Variants in ZBTB46 observed in about 807,000 individuals in gnomAD.
The protein encoded by ZBTB46 is zinc finger and BTB domain-containing protein 46.
ZBTB46 carries 8 observed loss-of-function variants against 44.1 expected under a neutral mutation model. The observed-to-expected ratio is 0.18, with a 90% CI of 0.11 to 0.33. The LOEUF is 0.33. ZBTB46 is among the 10% of genes least tolerant of loss of function. The probability of loss-of-function intolerance (pLI) is 1.00; values close to 1 mark genes in which losing one functional copy is unlikely to be tolerated. For missense variants in ZBTB46, 651 were observed against 847.7 expected (o/e 0.77, Z 2.88); for synonymous variants, 409 against 382.3 (o/e 1.07, Z -0.81).
At chr20:63,784,142 T>C (rs1234827788) in intron 2 of ZBTB46, among the ~76,000 whole-genome samples, 1 of 152,134 alleles carries the variant, frequency 6.6e-6, no homozygotes, top group Non-Finnish European at 1.5e-5. Flanking sequence ...CACGGCCCCC[T>C]CCGCTCACCA....
At chr20:63,765,014 G>A (rs1190966837) in intron 3 of ZBTB46, among the ~76,000 whole-genome samples, 1 of 151,162 alleles carries the variant, frequency 6.6e-6, no homozygotes, top group East Asian at 1.9e-4. Flanking sequence ...CACCTCCCAG[G>A]TTCAAGTGAT....
chr20:63,782,382 G>C (rs556428901), intron 2 of ZBTB46, among the ~76,000 whole-genome samples: 26 of 152,136 alleles, frequency 1.7e-4, no homozygotes, highest in Non-Finnish European at 3.1e-4. Context: ...GAATGATGTC[G>C]GGCCACGAGC....
rs755836932 is a variant in ZBTB46 at position 63,817,105 on chromosome 20, C to CA, written c.-34+13991dup. Among the ~76,000 whole-genome samples, 594 of 128,234 alleles carry CA rather than the reference C, an allele frequency of 4.6e-3. 2 individuals carry two copies. The highest frequency in any genetic ancestry group is 0.014 in the African/African-American group (459 of 33,546). 84.1% of individuals were successfully genotyped at this position (128,234 alleles called of 152,430 possible). ...GGGCAACAAGAGCGAAACTCAGTCTCAAAAAAAAAAAGAAAAGAAAAGAAA... is the reference window on the plus strand; with the variant it reads ...GGGCAACAAGAGCGAAACTCAGTCTCAAAAAAAAAAAAGAAAAGAAAAGAAA... On this transcript the variant is annotated intron_variant, in intron 1 of 4. Coordinates refer to ENST00000245663, the MANE Select transcript of ZBTB46 (RefSeq NM_001369741.1).
In ZBTB46 at chr20:63,752,785, G is replaced by T. The variant is rs1269867726; in HGVS notation, c.1299C>A (p.Leu433=). ...CCGTGTGCGAGCGCATGTGTCGCTTGAGGATGCACTGGTGCATGGCCGAGA... is the reference window on the plus strand; with the variant it reads ...CCGTGTGCGAGCGCATGTGTCGCTTTAGGATGCACTGGTGCATGGCCGAGA... ...CSFSAMHQCI[L]KRHMRSHTGE... Residue 433 remains leucine (L), a synonymous_variant, in exon 4 of 5, where the codon CTC becomes CTA. Transcript: ENST00000245663. The surrounding 1 kb of genome is among the most constrained non-coding windows in gnomAD (Gnocchi z 5.6). 1 of 1,613,030 alleles carries T rather than the reference G, an allele frequency of 6.2e-7. No individual in the cohort carries two copies.
chr20:63,809,292 C>T (rs939214730), intron 1 of ZBTB46, among the ~76,000 whole-genome samples: 11 of 152,204 alleles, frequency 7.2e-5, no homozygotes, highest in African/African-American at 2.7e-4. Flanking sequence ...GTCCTCATGG[C>T]CGCGTCTATT....
upstream of ZBTB46, among the ~76,000 whole-genome samples, chr20:63,833,082 G>T (rs2092859997): frequency 6.6e-6 from 1 of 152,192 alleles, no homozygotes; most frequent in Non-Finnish European, 1.5e-5. Flanking sequence ...CTCCCAAGAT[G>T]TCTGGACCTC....
chr20:63,800,029 C>T (rs1365181574), intron 1 of ZBTB46, among the ~76,000 whole-genome samples: 1 of 152,206 alleles, frequency 6.6e-6, no homozygotes, highest in Non-Finnish European at 1.5e-5. Context: ...GGTTTGGGAA[C>T]AACCCGAATG....
intron 2 of ZBTB46, among the ~76,000 whole-genome samples, chr20:63,780,466 C>T (rs907670066): frequency 3.9e-5 from 6 of 151,924 alleles, no homozygotes; most frequent in African/African-American, 1.5e-4. Flanking sequence ...TGGAGCTATG[C>T]GTTATACTTA....
At chr20:63,768,064 C>T (rs2092335737) in intron 3 of ZBTB46, 3 of 985,452 alleles carry the variant, frequency 3.0e-6, no homozygotes, top group Non-Finnish European at 2.4e-6. Context: ...CTCTGCTGCC[C>T]TCACTCACCT....
chr20:63,829,812 T>G (rs1320152305), intron 1 of ZBTB46, among the ~76,000 whole-genome samples: 1 of 152,144 alleles, frequency 6.6e-6, no homozygotes, highest in South Asian at 2.1e-4. Flanking sequence ...GCAGCGTGAG[T>G]GCCAGCAGCA....
chr20:63,764,768 A>C (rs989906962), intron 3 of ZBTB46, among the ~76,000 whole-genome samples: 1 of 149,628 alleles, frequency 6.7e-6, no homozygotes, highest in Non-Finnish European at 1.5e-5. Context: ...ACACCCGGCT[A>C]ATTTTGTATT....
intron 1 of ZBTB46, among the ~76,000 whole-genome samples, chr20:63,814,249 GAAAAGAAAAAAAGAAAGGA>G (rs2092734892): frequency 6.9e-6 from 1 of 145,070 alleles, no homozygotes; most frequent in Non-Finnish European, 1.5e-5. Context: ...AAAAAAAAAA[GAAAAGAAAAAAAGAAAGGA>G]AAAAGAAAAA....
At chr20:63,789,784 G>T in intron 2 of ZBTB46, 37 bp downstream of exon 2, 1 of 1,573,986 alleles carries the variant, frequency 6.4e-7, no homozygotes, top group Non-Finnish European at 8.6e-7. Flanking sequence ...TGGACACACT[G>T]GGGCAGCTGA....
Position 63,752,564 on chromosome 20 carries a change from C to A in ZBTB46, c.1398+122G>T, listed in dbSNP as rs1185830239. On this transcript the variant is annotated intron_variant, in intron 4 of 4. Coordinates refer to ENST00000245663, the MANE Select transcript of ZBTB46 (RefSeq NM_001369741.1). The surrounding 1 kb of genome is among the most constrained non-coding windows in gnomAD (Gnocchi z 5.6). ...GCGGATCTCCCTGCCCTGCTGTCGT[C>A]CCCCCTGTGCAGAGTGGACCCGGTG... 7.4e-6 allele frequency: 9 copies of A among 1,211,152 alleles called. No individual in the cohort carries two copies. The South Asian group carries it at 1.2e-4, about 16-fold the overall frequency. 75.0% of individuals were successfully genotyped at this position (1,211,152 alleles called of 1,614,324 possible). A position where few individuals can be genotyped will look rare whatever the true frequency, so the allele number is the denominator to read the frequency against.
intron 4 of ZBTB46, among the ~76,000 whole-genome samples, chr20:63,751,723 A>C (rs12151934): frequency 0.39 from 6,020 of 15,262 alleles, 1,358 homozygotes; most frequent in East Asian, 0.6. Context: ...GGTGGGTCGC[A>C]CCATGAAGCC....
Position 63,823,858 on chromosome 20 carries a change from T to TTGTGTGTGTGTGTGTGTGTGTGTG in ZBTB46, c.-34+7215_-34+7238dup, listed in dbSNP as rs11474683. Reference sequence around the variant, plus strand: ...TCCTGACCTTTGTCCTCTAGGAACCTTGTGTGTGTGTGTGTGTGTGTGTGT... The same window carrying TTGTGTGTGTGTGTGTGTGTGTGTG: ...TCCTGACCTTTGTCCTCTAGGAACCTTGTGTGTGTGTGTGTGTGTGTGTGTGTGTGTGTGTGTGTGTGTGTGTGT... On this transcript the variant is annotated intron_variant, in intron 1 of 4. Transcript: ENST00000245663. Among the ~76,000 whole-genome samples the TTGTGTGTGTGTGTGTGTGTGTGTG allele has an allele frequency of 6.1e-3, 881 of 144,772 alleles. 8 individuals are homozygous for TTGTGTGTGTGTGTGTGTGTGTGTG. The highest frequency in any genetic ancestry group is 0.01 in the Middle Eastern group (3 of 288). 95.0% of individuals were successfully genotyped at this position (144,772 alleles called of 152,430 possible). A position where few individuals can be genotyped will look rare whatever the true frequency, so the allele number is the denominator to read the frequency against.
At chr20:63,766,880 G>C (rs2092324865) in intron 3 of ZBTB46, among the ~76,000 whole-genome samples, 1 of 152,210 alleles carries the variant, frequency 6.6e-6, no homozygotes, top group Non-Finnish European at 1.5e-5. Context: ...TCTCTGGCCT[G>C]GGAGCGGGCT....
At chr20:63,771,395 GGA>G (rs1213986059) in intron 3 of ZBTB46, among the ~76,000 whole-genome samples, 1 of 152,188 alleles carries the variant, frequency 6.6e-6, no homozygotes, top group African/African-American at 2.4e-5. Context: ...AGGAGGGGAG[GGA>G]GAGAGGGGGG....
chr20:63,807,431 A>G (rs2092688666), intron 1 of ZBTB46, among the ~76,000 whole-genome samples: 1 of 151,864 alleles, frequency 6.6e-6, no homozygotes, highest in African/African-American at 2.4e-5. Context: ...TGCAACTTCT[A>G]CCTCCCGAGT....
Sources: allele counts gnomAD v4.1 joint callset (sites outside exome capture counted in the v4.1 genomes callset), GRCh38; gene constraint gnomAD v4.1.1; non-coding constraint Gnocchi (gnomAD v3.1); transcripts MANE v1.5; gene names NCBI Gene and HGNC (gene_info 2026-07-23, HGNC 2026-07-21).